The following PLEKHA7 variants were observed in gnomAD, a reference collection of about 807,000 sequenced individuals.
The protein encoded by PLEKHA7 is pleckstrin homology domain containing A7.
Under a neutral mutation model 170.0 loss-of-function variants are expected in PLEKHA7, and 104 were observed. That is an observed-to-expected ratio of 0.61 (90% CI 0.52 to 0.72). The LOEUF (loss-of-function observed/expected upper bound fraction) is 0.72. Ranked by LOEUF, PLEKHA7 falls within the 30% of genes least tolerant of loss-of-function variation. The pLI is 0.00. For synonymous variants in PLEKHA7, 648 were observed against 660.8 expected (o/e 0.98, Z 0.30); for missense variants, 1,615 against 1,671.7 (o/e 0.97, Z 0.59).
rs532779046 is a variant in PLEKHA7, at chr11:16,931,983, T to C, written c.222-60801A>G. Reference sequence around the variant, plus strand: ...ATGAAGATGGTATACCTTTGACACCTGCACAGTCTCATCTTGTACTCATAA... The same window carrying C: ...ATGAAGATGGTATACCTTTGACACCCGCACAGTCTCATCTTGTACTCATAA... On this transcript the variant is annotated intron_variant, in intron 3 of 26. Transcript: ENST00000531066. 3.3e-3 allele frequency among the ~76,000 whole-genome samples: 504 copies of C among 152,282 alleles called. 2 individuals carry two copies. Among genetic ancestry groups the C allele is most frequent in the Non-Finnish European group, 5.9e-3 (400 of 68,016 alleles).
chr11:16,876,211 C>G (rs1855281887), intron 3 of PLEKHA7, among the ~76,000 whole-genome samples: 1 of 152,234 alleles, frequency 6.6e-6, no homozygotes, highest in Non-Finnish European at 1.5e-5. Flanking sequence ...TTAGCAGGCA[C>G]AGACACATCC....
intron 3 of PLEKHA7, among the ~76,000 whole-genome samples, chr11:16,982,413 G>T (rs1431616901): frequency 6.6e-6 from 1 of 152,254 alleles, no homozygotes; most frequent in East Asian, 1.9e-4. Flanking sequence ...GGGTGCAGGG[G>T]CTGAAAGCCT....
chr11:16,984,136 C>G lies in PLEKHA7; in HGVS notation c.221+29853G>C, dbSNP rs1381791488. Reference sequence around the variant, plus strand: ...CATTTAATGAGGGCTTATTTCATACCAGGTACTGTGTTAAACATGCTACCT... The same window carrying G: ...CATTTAATGAGGGCTTATTTCATACGAGGTACTGTGTTAAACATGCTACCT... On this transcript the variant is annotated intron_variant, in intron 3 of 26. Coordinates refer to ENST00000531066, the MANE Select transcript of PLEKHA7 (RefSeq NM_001329630.2). Among the ~76,000 whole-genome samples the G allele has an allele frequency of 2.6e-5, 4 of 151,988 alleles. No individual in the cohort carries two copies. In the East Asian group the frequency reaches 7.7e-4, roughly 29 times the overall value.
intron 13 of PLEKHA7, among the ~76,000 whole-genome samples, chr11:16,811,211 C>T (rs150747771): frequency 2.0e-5 from 3 of 152,336 alleles, no homozygotes; most frequent in Non-Finnish European, 4.4e-5. Flanking sequence ...CAAACAGGAA[C>T]CAGAAGGCAG....
intron 3 of PLEKHA7, among the ~76,000 whole-genome samples, chr11:16,969,885 G>C (rs1469113319): frequency 6.6e-6 from 1 of 152,184 alleles, no homozygotes; most frequent in East Asian, 1.9e-4. Flanking sequence ...TTGGGTTTCT[G>C]TCACTTTCAA....
At position 16,933,123 on chromosome 11, in the gene PLEKHA7, G is replaced by A. The variant is rs1048426889; in HGVS notation, c.222-61941C>T. Among the ~76,000 whole-genome samples, 5 of 152,190 alleles carry A rather than the reference G, an allele frequency of 3.3e-5. No individual in the cohort carries two copies. The South Asian group carries it at 6.2e-4, about 19-fold the overall frequency. ...GACGATAAAAACCTAATAGTTACTC[G>A]GTGCTTAGCTATGTGCTCTGAATTG... is the stretch of plus-strand genomic sequence containing the variant. On this transcript the variant is annotated intron_variant, in intron 3 of 26. Coordinates refer to ENST00000531066, the MANE Select transcript of PLEKHA7 (RefSeq NM_001329630.2).
chr11:16,859,799 C>A (rs1406340871), intron 4 of PLEKHA7, among the ~76,000 whole-genome samples: 2 of 152,242 alleles, frequency 1.3e-5, no homozygotes, highest in African/African-American at 4.8e-5. Context: ...CCTTGAAAGG[C>A]ATTCAGTTCC....
chr11:16,807,913 T>A (rs984389634), intron 13 of PLEKHA7, among the ~76,000 whole-genome samples: 2 of 152,198 alleles, frequency 1.3e-5, no homozygotes, highest in African/African-American at 4.8e-5. Context: ...CTCTCCTGAG[T>A]GATTCGAATA....
chr11:16,813,058 G>A, intron 13 of PLEKHA7, 55 bp downstream of exon 13: 1 of 1,515,402 alleles, frequency 6.6e-7, no homozygotes, highest in African/African-American at 1.4e-5. Context: ...CCAGTGAGGT[G>A]ACACTCTCAG....
At chr11:16,908,388 A>G (rs1480586033) in intron 3 of PLEKHA7, among the ~76,000 whole-genome samples, 2 of 152,172 alleles carry the variant, frequency 1.3e-5, no homozygotes, top group African/African-American at 2.4e-5. Context: ...GTGAGGATAC[A>G]GTGAGAAGGT....
chr11:16,933,749 G>A (rs1032261430), intron 3 of PLEKHA7, among the ~76,000 whole-genome samples: 8 of 152,190 alleles, frequency 5.3e-5, no homozygotes, highest in Admixed American at 5.2e-4. Context: ...CAGGGAGGGG[G>A]CAGAAGATGT....
chr11:16,949,640 G>T (rs1276828829), intron 3 of PLEKHA7, among the ~76,000 whole-genome samples: 7 of 152,270 alleles, frequency 4.6e-5, no homozygotes, highest in South Asian at 4.1e-4. Context: ...ATGTCTGTCT[G>T]CCCACTATAT....
chr11:16,896,509 C>T (rs1466125613), intron 3 of PLEKHA7, among the ~76,000 whole-genome samples: 2 of 152,134 alleles, frequency 1.3e-5, no homozygotes, highest in East Asian at 3.9e-4. Flanking sequence ...AACTCTACTT[C>T]CTATATCCCC....
chr11:16,991,022 A>G (rs1864012376), intron 3 of PLEKHA7, among the ~76,000 whole-genome samples: 1 of 152,232 alleles, frequency 6.6e-6, no homozygotes, highest in Non-Finnish European at 1.5e-5. Flanking sequence ...CTGTTTTCAG[A>G]TAATTCCCCA....
intron 3 of PLEKHA7, among the ~76,000 whole-genome samples, chr11:16,991,410 G>C (rs982593012): frequency 6.6e-6 from 1 of 152,028 alleles, no homozygotes; most frequent in African/African-American, 2.4e-5. Flanking sequence ...AATATAACAT[G>C]TCTGAGTCAG....
chr11:16,858,636 G>A (rs752916333), intron 4 of PLEKHA7, among the ~76,000 whole-genome samples: 13 of 152,002 alleles, frequency 8.6e-5, no homozygotes, highest in Non-Finnish European at 1.9e-4. Flanking sequence ...GGGATTACAG[G>A]CACATGCCAC....
intron 3 of PLEKHA7, among the ~76,000 whole-genome samples, chr11:16,984,572 G>A (rs1345383923): frequency 2.0e-5 from 3 of 152,054 alleles, no homozygotes; most frequent in Admixed American, 1.3e-4. Flanking sequence ...CTACCCAAAT[G>A]TCATCTCCAC....
chr11:16,955,218 T>C (rs566809793), intron 3 of PLEKHA7, among the ~76,000 whole-genome samples: 1 of 152,266 alleles, frequency 6.6e-6, no homozygotes, highest in South Asian at 2.1e-4. Flanking sequence ...AGAGACTTGC[T>C]GAATGAATGA....
At chr11:16,790,772 A>G (rs769680338) in intron 21 of PLEKHA7, 26 bp downstream of exon 21, 26 of 1,597,122 alleles carry the variant, frequency 1.6e-5, no homozygotes, top group Non-Finnish European at 8.6e-7. Context: ...ATTCCCAGAG[A>G]AACTCCAGGG....
Sources: gnomAD v4.1 joint callset for allele counts (sites outside exome capture counted in the v4.1 genomes callset) on GRCh38, gnomAD v4.1.1 for gene constraint, MANE v1.5 for transcripts, NCBI Gene and HGNC (gene_info 2026-07-23, HGNC 2026-07-21) for gene names.